Variants in STXBP5L observed in about 807,000 individuals in gnomAD.
STXBP5L encodes the protein syntaxin binding protein 5L, also known as syntaxin-binding protein 5-like.
In STXBP5L, 65 loss-of-function variants were observed where a neutral mutation model predicts 144.5. That is an observed-to-expected ratio of 0.45 (90% CI 0.37 to 0.55). STXBP5L has a LOEUF of 0.55. Among genes scored for constraint, STXBP5L ranks in the 20% least tolerant of loss-of-function variants. STXBP5L has a pLI of 0.00. For synonymous variants in STXBP5L, 505 were observed against 469.6 expected (o/e 1.08, Z -0.97); for missense variants, 1,298 against 1,405.5 (o/e 0.92, Z 1.22).
At chr3:121,125,099 G>A (rs2044644232) in intron 7 of STXBP5L, among the ~76,000 whole-genome samples, 1 of 152,120 alleles carries the variant, frequency 6.6e-6, no homozygotes, top group Non-Finnish European at 1.5e-5. Flanking sequence ...CAACTTGGAA[G>A]GGGAAAGCTT....
rs1416473639 is a variant in STXBP5L, at chr3:121,424,218, A to T, written c.*5121A>T. On this transcript the variant is annotated 3_prime_UTR_variant, in exon 27 of 27. Transcript: ENST00000471454. ...CTTGGTCTTAGCAAAAAGGAAGAAC[A>T]AATCTTCCTTTTTGATTGTTATCTC... 6.6e-6 allele frequency: 1 copy of T among 152,152 alleles called. No homozygotes were observed. Among genetic ancestry groups the T allele is most frequent in the Non-Finnish European group, 1.5e-5 (1 of 68,024 alleles). 9.4% of individuals were successfully genotyped at this position (152,152 alleles called of 1,614,324 possible). A position where few individuals can be genotyped will look rare whatever the true frequency, so the allele number is the denominator to read the frequency against.
chr3:120,926,595 A>G (rs1357114021), intron 2 of STXBP5L, among the ~76,000 whole-genome samples: 1 of 151,974 alleles, frequency 6.6e-6, no homozygotes, highest in Non-Finnish European at 1.5e-5. Flanking sequence ...TTCTAGTTTT[A>G]GAAAGTTTTC....
intron 9 of STXBP5L, chr3:121,158,773 T>A (rs900197206): frequency 6.6e-6 from 1 of 152,208 alleles, no homozygotes; most frequent in Non-Finnish European, 1.5e-5. Flanking sequence ...AAGTATAATA[T>A]GAGCTAGTCA....
chr3:121,302,640 T>C (rs1318672934), intron 19 of STXBP5L, among the ~76,000 whole-genome samples: 1 of 152,060 alleles, frequency 6.6e-6, no homozygotes, highest in Non-Finnish European at 1.5e-5. Flanking sequence ...GATGTTAGGG[T>C]ATCAATTTTA....
chr3:121,390,789 C>G (rs545084256), intron 22 of STXBP5L, among the ~76,000 whole-genome samples: 3 of 152,192 alleles, frequency 2.0e-5, no homozygotes, highest in African/African-American at 4.8e-5. Flanking sequence ...GTGGGTAACT[C>G]AACCTTTCTC....
At chr3:120,994,686 G>T (rs1943198810) in intron 3 of STXBP5L, among the ~76,000 whole-genome samples, 1 of 152,066 alleles carries the variant, frequency 6.6e-6, no homozygotes, top group Non-Finnish European at 1.5e-5. Flanking sequence ...GGGTTTGCTA[G>T]TATTCTGTTG....
chr3:120,985,852 A>G (rs1576577551), intron 3 of STXBP5L, among the ~76,000 whole-genome samples: 2 of 151,326 alleles, frequency 1.3e-5, no homozygotes, highest in South Asian at 2.1e-4. Context: ...AATTTTGTTC[A>G]TCTTTCCAAA....
intron 9 of STXBP5L, among the ~76,000 whole-genome samples, chr3:121,187,771 A>G (rs1339255180): frequency 6.6e-6 from 1 of 151,920 alleles, no homozygotes; most frequent in East Asian, 1.9e-4. Flanking sequence ...GTCAAGGCCC[A>G]TTGGTGTTCA....
intron 18 of STXBP5L, among the ~76,000 whole-genome samples, chr3:121,278,036 G>T (rs1207438703): frequency 6.6e-6 from 1 of 151,888 alleles, no homozygotes; most frequent in Non-Finnish European, 1.5e-5. Context: ...TTCTCTCTCT[G>T]TGCAGTTTAT....
rs137885613 is a variant in STXBP5L, at chr3:121,008,101, T to G, written c.288-33599T>G. Among the ~76,000 whole-genome samples, 913 of 152,158 alleles carry G rather than the reference T, an allele frequency of 6.0e-3. 4 individuals carry two copies. The highest frequency in any genetic ancestry group is 0.024 in the Middle Eastern group (7 of 294). Reference sequence around the variant, plus strand: ...TTAGGTTTCTTTCCTACTGGGTTTATGTAGGCCTTTTCTGGGTGTCAGAGT... The same window carrying G: ...TTAGGTTTCTTTCCTACTGGGTTTAGGTAGGCCTTTTCTGGGTGTCAGAGT... On this transcript the variant is annotated intron_variant, in intron 3 of 26. Transcript: ENST00000471454.
intron 5 of STXBP5L, among the ~76,000 whole-genome samples, chr3:121,059,868 G>T (rs1238048712): frequency 6.6e-6 from 1 of 152,004 alleles, no homozygotes; most frequent in Non-Finnish European, 1.5e-5. Context: ...AAGGAGATTT[G>T]GGGCTGAGAC....
chr3:121,168,986 A>T (rs890434201), intron 9 of STXBP5L, among the ~76,000 whole-genome samples: 6 of 152,224 alleles, frequency 3.9e-5, no homozygotes, highest in Non-Finnish European at 5.9e-5. Flanking sequence ...CTGACAGCAG[A>T]TCTCGCTGCA....
chr3:121,418,629 A>T, intron 26 of STXBP5L, 72 bp downstream of exon 26: 1 of 1,406,554 alleles, frequency 7.1e-7, no homozygotes, highest in Non-Finnish European at 9.8e-7. Flanking sequence ...TGCACAAGAA[A>T]GCTTAAACAG....
Position 121,141,622 on chromosome 3 carries a change from C to T in STXBP5L, c.670-10855C>T, listed in dbSNP as rs184653353. ...TATAAGTAGATGAAAATTGTGACAA[C>T]AATACTATAAAGTATGTGTTAGGGG... On this transcript the variant is annotated intron_variant, in intron 7 of 26. Transcript: ENST00000471454. 2.6e-5 allele frequency among the ~76,000 whole-genome samples: 4 copies of T among 152,132 alleles called. No homozygotes were observed. The East Asian group carries it at 7.7e-4, about 29-fold the overall frequency.
intron 2 of STXBP5L, among the ~76,000 whole-genome samples, chr3:120,920,147 A>G (rs1158448570): frequency 1.1e-4 from 17 of 151,838 alleles, no homozygotes; most frequent in Admixed American, 1.1e-3. Flanking sequence ...TTAACATACG[A>G]AAGTAACTCT....
intron 23 of STXBP5L, among the ~76,000 whole-genome samples, chr3:121,409,164 AAGAT>A (rs1164574018): frequency 6.6e-6 from 1 of 151,900 alleles, no homozygotes; most frequent in Non-Finnish European, 1.5e-5. Context: ...GATAATAAAA[AAGAT>A]AGCATAAAAA....
chr3:121,106,401 C>G (rs1037204132), intron 5 of STXBP5L, among the ~76,000 whole-genome samples: 1 of 152,070 alleles, frequency 6.6e-6, no homozygotes, highest in Non-Finnish European at 1.5e-5. Context: ...GACACTTTCC[C>G]TCCCTCCCAA....
At chr3:121,247,152 A>T (rs980477673) in intron 14 of STXBP5L, among the ~76,000 whole-genome samples, 1 of 152,238 alleles carries the variant, frequency 6.6e-6, no homozygotes, top group African/African-American at 2.4e-5. Context: ...ATAAAAAATC[A>T]GTTGGCTATA....
intron 9 of STXBP5L, among the ~76,000 whole-genome samples, chr3:121,162,022 A>G (rs1418236582): frequency 6.6e-6 from 1 of 152,222 alleles, no homozygotes; most frequent in Non-Finnish European, 1.5e-5. Flanking sequence ...GAAAACTATT[A>G]CATGTAACAG....
Sources: allele counts gnomAD v4.1 joint callset (sites outside exome capture counted in the v4.1 genomes callset), GRCh38; gene constraint gnomAD v4.1.1; transcripts MANE v1.5; gene names NCBI Gene and HGNC (gene_info 2026-07-23, HGNC 2026-07-21).